MYO1F: variants seen among roughly 807,000 people sequenced by gnomAD.
MYO1F encodes the protein myosin IF.
In MYO1F, 60 loss-of-function variants were observed where a neutral mutation model predicts 146.6. That is an observed-to-expected ratio of 0.41 (90% CI 0.33 to 0.51). The LOEUF is 0.51. MYO1F is among the 20% of genes least tolerant of loss of function. The pLI, the probability that MYO1F is intolerant of heterozygous loss-of-function variation, is 0.25. For missense variants in MYO1F, 1,274 were observed against 1,534.3 expected (o/e 0.83, Z 2.83); for synonymous variants, 602 against 602.1 (o/e 1.00, Z 0.00).
chr19:8,521,704 C>T, intron 27 of MYO1F, 100 bp from the exon 28 acceptor site: 1 of 1,116,816 alleles, frequency 9.0e-7, no homozygotes, highest in South Asian at 1.3e-5. Context: ...CCTATGTTGT[C>T]CAGGCTGGTC....
intron 1 of MYO1F, among the ~76,000 whole-genome samples, chr19:8,571,054 G>A (rs1430622153): frequency 6.6e-6 from 1 of 152,242 alleles, no homozygotes; most frequent in African/African-American, 2.4e-5. Context: ...AAGGGCTGGA[G>A]GAGGGAGCTT....
At chr19:8,544,911 G>A (rs1973276655) in intron 13 of MYO1F, among the ~76,000 whole-genome samples, 1 of 152,120 alleles carries the variant, frequency 6.6e-6, no homozygotes, top group Admixed American at 6.6e-5. Context: ...GAGTAGCTGG[G>A]ATTACAGGCA....
intron 14 of MYO1F, among the ~76,000 whole-genome samples, chr19:8,542,652 G>A (rs958946108): frequency 3.3e-5 from 5 of 151,392 alleles, no homozygotes; most frequent in Non-Finnish European, 7.4e-5. Context: ...CCAGGCTGGA[G>A]TGCAATGACA....
rs574421912 is a variant in MYO1F, at chr19:8,558,721, C to T, written c.4-2925G>A. Among the ~76,000 whole-genome samples, 15 of 152,240 alleles carry T rather than the reference C, an allele frequency of 9.9e-5. 1 individual carries two copies. The South Asian group carries it at 3.1e-3, about 32-fold the overall frequency. On this transcript the variant is annotated intron_variant, in intron 1 of 27. Coordinates refer to ENST00000644032, the MANE Select transcript of MYO1F (RefSeq NM_012335.4). ...GAACTGATGGTCAGATAAGATGTCT[C>T]TCCTCCTGGAAGCCCCCCATCCCCA...
At position 8,577,215 on chromosome 19, in the gene MYO1F, A is replaced by C; in HGVS notation, c.3+92T>G. ...AGAAGTCCACCATGCCCCTCCCCTC[A>C]CCCCAATTTCTGATGGTCATTTTTA... On this transcript the variant is annotated intron_variant, in intron 1 of 27. Transcript: ENST00000644032. This position sits in a 1 kb window ranked among gnomAD's most constrained non-coding sequence, Gnocchi z 4.3. 6.7e-7 allele frequency: 1 copy of C among 1,489,564 alleles called. No homozygotes were observed. The highest frequency in any genetic ancestry group is 1.9e-5 in the Admixed American group (1 of 52,388). 92.3% of individuals were successfully genotyped at this position (1,489,564 alleles called of 1,614,324 possible).
chr19:8,539,879 C>T (rs1041820861), intron 16 of MYO1F, 68 bp downstream of exon 16: 16 of 1,391,474 alleles, frequency 1.1e-5, no homozygotes, highest in South Asian at 2.4e-5. Flanking sequence ...AAACAGAGTC[C>T]GGACCCCAGG....
chr19:8,572,029 C>T lies in MYO1F; in HGVS notation c.3+5278G>A, dbSNP rs782259421. Among the ~76,000 whole-genome samples, 40 of 152,104 alleles carry T rather than the reference C, an allele frequency of 2.6e-4. 1 individual carries two copies. Among genetic ancestry groups the T allele is most frequent in the Admixed American group, 2.0e-4 (3 of 15,264 alleles). On this transcript the variant is annotated intron_variant, in intron 1 of 27. Transcript: ENST00000644032. ...TAAGCCACCGCGCCTGGCCTTTATA[C>T]GTGGGGACCCTTGTCTTTCTGGAGC...
intron 21 of MYO1F, among the ~76,000 whole-genome samples, chr19:8,528,789 T>C (rs1972367916): frequency 6.6e-6 from 1 of 152,026 alleles, no homozygotes. Flanking sequence ...CAGGTGAGGG[T>C]GTACAAGTCA....
At chr19:8,529,956 G>C (rs1972412671) in intron 21 of MYO1F, 1 of 627,012 alleles carries the variant, frequency 1.6e-6, no homozygotes, top group Non-Finnish European at 2.9e-6. Context: ...CTGGGGGATA[G>C]ATACCTATGG....
chr19:8,537,515 C>T (rs1023415746), intron 16 of MYO1F, among the ~76,000 whole-genome samples: 1 of 152,126 alleles, frequency 6.6e-6, no homozygotes, highest in South Asian at 2.1e-4. Context: ...CATCTTGGCT[C>T]ACTGCAACCT....
chr19:8,544,012 CGG>C, intron 14 of MYO1F: 1 of 214,090 alleles, frequency 4.7e-6, no homozygotes. Flanking sequence ...GTGGCGGTGG[CGG>C]TGGCGGTGGC....
intron 10 of MYO1F, chr19:8,549,881 GCCCCAACCTCCTGGGTTCAAATGATC>G (rs1371942742): frequency 1.8e-6 from 1 of 542,562 alleles, no homozygotes; most frequent in Non-Finnish European, 3.3e-6. Flanking sequence ...GCTCACTGCA[GCCCCAACCTCCTGGGTTCAAATGATC>G]CCCCAACCTC....
In MYO1F at chr19:8,522,244, G is replaced by A. The variant is rs375412458; in HGVS notation, c.3220+133C>T. Reference sequence around the variant, plus strand: ...TCACTGTGTTAGCCAGGATGGTCTCGATCTCCTGACCTCGTGATCTGCCCG... The same window carrying A: ...TCACTGTGTTAGCCAGGATGGTCTCAATCTCCTGACCTCGTGATCTGCCCG... On this transcript the variant is annotated intron_variant, in intron 27 of 27. Transcript: ENST00000644032. 89 of 1,122,758 alleles carry A rather than the reference G, an allele frequency of 7.9e-5. 1 individual carries two copies. Among genetic ancestry groups the A allele is most frequent in the East Asian group, 5.1e-4 (20 of 39,070 alleles). The allele number at this position is 1,122,758 out of a possible 1,614,324, so 69.5% of individuals were successfully genotyped here.
At chr19:8,562,613 G>A (rs79574013) in intron 1 of MYO1F, among the ~76,000 whole-genome samples, 4,912 of 151,950 alleles carry the variant, frequency 0.032, 275 homozygotes, top group African/African-American at 0.11. Context: ...ATAGCTAACT[G>A]TAGCCTTGAC....
intron 19 of MYO1F, among the ~76,000 whole-genome samples, chr19:8,531,841 G>A (rs1321189461): frequency 2.6e-5 from 4 of 151,768 alleles, no homozygotes; most frequent in African/African-American, 4.8e-5. Context: ...AATGTGGCCG[G>A]GTGCAGTGGC....
At chr19:8,560,533 G>A (rs538184457) in intron 1 of MYO1F, among the ~76,000 whole-genome samples, 2 of 151,000 alleles carry the variant, frequency 1.3e-5, no homozygotes, top group Non-Finnish European at 2.9e-5. Context: ...CTGTCTACAC[G>A]CACAGGAGGC....
chr19:8,533,851 A>T (rs182203558), intron 19 of MYO1F, among the ~76,000 whole-genome samples: 39 of 152,310 alleles, frequency 2.6e-4, no homozygotes, highest in African/African-American at 9.1e-4. Flanking sequence ...CAACAGGCAG[A>T]TAAAATGTTT....
At chr19:8,560,732 C>A (rs576273472) in intron 1 of MYO1F, among the ~76,000 whole-genome samples, 1 of 121,422 alleles carries the variant, frequency 8.2e-6, no homozygotes, top group Admixed American at 9.4e-5. Context: ...CATGCCACCA[C>A]GCCTGGCTAA....
Position 8,577,354 on chromosome 19 carries a change from C to A in MYO1F, c.-45G>T, listed in dbSNP as rs781845546. On this transcript the variant is annotated 5_prime_UTR_variant, in exon 1 of 28. Coordinates refer to ENST00000644032, the MANE Select transcript of MYO1F (RefSeq NM_012335.4). This position sits in a 1 kb window ranked among gnomAD's most constrained non-coding sequence, Gnocchi z 4.3. The stretch of plus-strand genomic sequence containing the variant: ...GGCTCCTGGAGGCTCCTGAATGGGT[C>A]GTGATGGAGGTGCAGGTTCAGGGGG... 2 of 1,613,172 alleles carry A rather than the reference C, an allele frequency of 1.2e-6. No homozygotes were observed. Among genetic ancestry groups the A allele is most frequent in the African/African-American group, 2.7e-5 (2 of 74,914 alleles).
Sources: allele counts gnomAD v4.1 joint callset (sites outside exome capture counted in the v4.1 genomes callset), GRCh38; gene constraint gnomAD v4.1.1; non-coding constraint Gnocchi (gnomAD v3.1); transcripts MANE v1.5; gene names NCBI Gene and HGNC (gene_info 2026-07-23, HGNC 2026-07-21).